SLC5A10: variants seen among roughly 807,000 people sequenced by gnomAD.
SLC5A10 encodes the protein sodium/mannose cotransporter SLC5A10.
Under a neutral mutation model 68.9 loss-of-function variants are expected in SLC5A10, and 55 were observed. That is an observed-to-expected ratio of 0.80 (90% confidence interval 0.64 to 1.00). The LOEUF is 1.00. SLC5A10 is among the 50% of genes least tolerant of loss of function. The probability of loss-of-function intolerance (pLI) is 0.00; values close to 1 mark genes in which losing one functional copy is unlikely to be tolerated. For synonymous variants in SLC5A10, 344 were observed against 344.8 expected, an observed-to-expected ratio of 1.00 and a Z score of 0.02; for missense variants, 732 against 819.3, an observed-to-expected ratio of 0.89 and a Z score of 1.30.
chr17:18,967,824 T>A (rs192955916), intron 5 of SLC5A10, among the ~76,000 whole-genome samples: 39 of 152,196 alleles, frequency 2.6e-4, no homozygotes, highest in Admixed American at 2.5e-3. Flanking sequence ...CCTGCTCTGA[T>A]ATTCAGCACC....
chr17:19,021,762 C>T lies in SLC5A10; in HGVS notation c.*1331C>T. The T allele has an allele frequency of 2.2e-6, 1 of 453,156 alleles. No homozygotes were observed. The highest frequency in any genetic ancestry group is 3.7e-6 in the Non-Finnish European group (1 of 271,206). 28.1% of individuals were successfully genotyped at this position (453,156 alleles called of 1,614,324 possible). ...CCAGCCAGGAAGCCCCGGAGCTACC[C>T]TTGCTGGGTACCCTTGCTGGGGGAC... On this transcript the variant is annotated 3_prime_UTR_variant, in exon 15 of 15. Coordinates refer to ENST00000395645, the MANE Select transcript of SLC5A10 (RefSeq NM_001042450.4). This position sits in a 1 kb window ranked among gnomAD's most constrained non-coding sequence, Gnocchi z 4.1.
At position 18,952,298 on chromosome 17, in the gene SLC5A10, T is replaced by C. The variant is rs2076562; in HGVS notation, c.93T>C (p.Asn31=). The C allele has an allele frequency of 0.57, 925,518 of 1,612,038 alleles. 275,820 individuals carry two copies. Among genetic ancestry groups the C allele is most frequent in the Non-Finnish European group, 0.62 (732,588 of 1,178,994 alleles). ...TCATCACTGTGTATTTTGCTCTGAA[T>C]GTGGCCGTGGGCATATGGGTAAGGG... is the stretch of plus-strand genomic sequence containing the variant. ...IIVITVYFAL[N]VAVGIWSSCR... is the part of the protein sequence containing the mutation. Residue 31 remains asparagine (N), a synonymous_variant, in exon 1 of 15, where the codon AAT becomes AAC. Coordinates refer to ENST00000395645, the MANE Select transcript of SLC5A10 (RefSeq NM_001042450.4).
intron 5 of SLC5A10, among the ~76,000 whole-genome samples, chr17:18,967,543 G>A (rs966161688): frequency 6.6e-6 from 1 of 152,238 alleles, no homozygotes; most frequent in Non-Finnish European, 1.5e-5. Flanking sequence ...TGTGTCTGGC[G>A]TGGCCAGAGC....
At chr17:18,974,212 A>C (rs1355073759) in intron 8 of SLC5A10, among the ~76,000 whole-genome samples, 1 of 150,138 alleles carries the variant, frequency 6.7e-6, no homozygotes, top group Non-Finnish European at 1.5e-5. Flanking sequence ...TTTTAGTAGA[A>C]ATGGGGTTTC....
Position 19,022,004 on chromosome 17 carries a change from G to A in SLC5A10, c.*1573G>A, listed in dbSNP as rs1246670455. On this transcript the variant is annotated 3_prime_UTR_variant, in exon 15 of 15. Transcript: ENST00000395645. ...CGTAACTCCGTGGGAAGAAGCCAAC[G>A]CGCCCGCAGGACCGGCCCCGCCACC... The A allele has an allele frequency of 3.1e-6, 5 of 1,593,132 alleles. No individual in the cohort carries two copies. The highest frequency in any genetic ancestry group is 2.7e-5 in the African/African-American group (2 of 73,846).
At chr17:19,008,522 C>T (rs1409280974) in intron 9 of SLC5A10, among the ~76,000 whole-genome samples, 20 of 144,672 alleles carry the variant, frequency 1.4e-4, no homozygotes, top group Non-Finnish European at 2.7e-4. Context: ...TTTTTTGATA[C>T]GGGGTCTTGC....
rs761920566 is a variant in SLC5A10 at position 18,958,669 on chromosome 17, T to C, written c.112-13T>C. 1.2e-6 allele frequency: 2 copies of C among 1,613,890 alleles called. No individual in the cohort carries two copies. The highest frequency in any genetic ancestry group is 2.7e-5 in the African/African-American group (2 of 74,906). ...GCGGGCTTCCAACTCCTGTCCCTTT[T>C]CTCCTCTTGCAGTCCTCTTGTCGGG... On this transcript the variant is annotated splice_polypyrimidine_tract_variant and intron_variant, in intron 1 of 14. Transcript: ENST00000395645.
At chr17:18,976,633 G>A in intron 8 of SLC5A10, 1 of 574,840 alleles carries the variant, frequency 1.7e-6, no homozygotes, top group South Asian at 2.3e-5. Context: ...GAGTCCCTGG[G>A]AATGAGTGTA....
chr17:18,971,879 T>C lies in SLC5A10; in HGVS notation c.846+661T>C. The C allele has an allele frequency of 1.0e-6, 1 of 957,390 alleles. No individual in the cohort carries two copies. Among genetic ancestry groups the C allele is most frequent in the Non-Finnish European group, 1.5e-6 (1 of 659,324 alleles). 59.3% of individuals were successfully genotyped at this position (957,390 alleles called of 1,614,324 possible). On this transcript the variant is annotated intron_variant, in intron 8 of 14. Coordinates refer to ENST00000395645, the MANE Select transcript of SLC5A10 (RefSeq NM_001042450.4). This position sits in a 1 kb window ranked among gnomAD's most constrained non-coding sequence, Gnocchi z 5.5. Reference sequence around the variant, plus strand: ...CCTGGCTCTGCCATTCACCAGGGAGTGGGCCTAGACCAGTTGGTTTAGTCA... The same window carrying C: ...CCTGGCTCTGCCATTCACCAGGGAGCGGGCCTAGACCAGTTGGTTTAGTCA...
At chr17:18,977,810 T>C in intron 9 of SLC5A10, 1 of 1,606,240 alleles carries the variant, frequency 6.2e-7, no homozygotes, top group African/African-American at 1.3e-5. Flanking sequence ...CACCTCGAAG[T>C]ACTCCTCTGA....
chr17:19,014,994 T>C, intron 10 of SLC5A10, 55 bp from the exon 11 acceptor site: 1 of 1,569,972 alleles, frequency 6.4e-7, no homozygotes, highest in Non-Finnish European at 8.7e-7. Context: ...GCGGGAGGGG[T>C]TCCCGGGGCT....
chr17:18,952,460 G>C, intron 1 of SLC5A10, 144 bp downstream of exon 1: 6 of 1,001,698 alleles, frequency 6.0e-6, no homozygotes, highest in Non-Finnish European at 7.2e-6. Flanking sequence ...CTCCCAGCCT[G>C]GGGTAGACTT....
chr17:18,972,863 C>G (rs1254459231), intron 8 of SLC5A10, among the ~76,000 whole-genome samples: 1 of 115,540 alleles, frequency 8.7e-6, no homozygotes, highest in Non-Finnish European at 2.0e-5. Flanking sequence ...AGCGAGACTC[C>G]GTCTAAAAAA....
At position 19,013,526 on chromosome 17, in the gene SLC5A10, G is replaced by C; in HGVS notation, c.1090+9G>C. On this transcript the variant is annotated intron_variant, in intron 10 of 14. Transcript: ENST00000395645. Reference sequence around the variant, plus strand: ...GGAACTGATGCCCATCGGTGAGGCTGTGTGGGTGGGGGTCTGGGTGGAGGG... The same window carrying C: ...GGAACTGATGCCCATCGGTGAGGCTCTGTGGGTGGGGGTCTGGGTGGAGGG... 1 of 1,462,814 alleles carries C rather than the reference G, an allele frequency of 6.8e-7. No individual in the cohort carries two copies. Among genetic ancestry groups the C allele is most frequent in the Non-Finnish European group, 9.0e-7 (1 of 1,105,830 alleles). The allele number at this position is 1,462,814 out of a possible 1,614,324, so 90.6% of individuals were successfully genotyped here. A position where few individuals can be genotyped will look rare whatever the true frequency, so the allele number is the denominator to read the frequency against.
rs191799455 is a variant in SLC5A10 at position 18,958,621 on chromosome 17, A to G, written c.112-61A>G. On this transcript the variant is annotated intron_variant, in intron 1 of 14. Transcript: ENST00000395645. Reference sequence around the variant, plus strand: ...TTGAGGAGCTGCCAAGCCGTTTCCCATTCGACTTCCCAGCAGCAGTGTGCG... The same window carrying G: ...TTGAGGAGCTGCCAAGCCGTTTCCCGTTCGACTTCCCAGCAGCAGTGTGCG... 6.0e-5 allele frequency: 91 copies of G among 1,525,486 alleles called. No individual in the cohort carries two copies. The African/African-American group carries it at 1.2e-3, about 19-fold the overall frequency. 94.5% of individuals were successfully genotyped at this position (1,525,486 alleles called of 1,614,324 possible).
At chr17:18,972,340 T>C (rs1367466652) in intron 8 of SLC5A10, among the ~76,000 whole-genome samples, 1 of 152,204 alleles carries the variant, frequency 6.6e-6, no homozygotes, top group Non-Finnish European at 1.5e-5. Flanking sequence ...AGCCAGCCTC[T>C]GTGGAATGAA....
chr17:18,977,890 G>A, intron 9 of SLC5A10: 1 of 1,610,876 alleles, frequency 6.2e-7, no homozygotes, highest in Non-Finnish European at 8.5e-7. Flanking sequence ...GGCTGTCCTG[G>A]TCACTGAGGG....
chr17:18,976,785 A>C lies in SLC5A10; in HGVS notation c.847-69A>C, dbSNP rs2042990355. 4 of 1,584,572 alleles carry C rather than the reference A, an allele frequency of 2.5e-6. No individual in the cohort carries two copies. In the East Asian group the frequency reaches 9.0e-5, roughly 36 times the overall value. ...GCCTCATGCCCATTCCCTGAGGCCCACCAAGGACCAATCCTGACACAAGTG... is the reference window on the plus strand; with the variant it reads ...GCCTCATGCCCATTCCCTGAGGCCCCCCAAGGACCAATCCTGACACAAGTG... On this transcript the variant is annotated intron_variant, in intron 8 of 14. Transcript: ENST00000395645.
At chr17:18,995,764 A>T (rs923570952) in intron 9 of SLC5A10, among the ~76,000 whole-genome samples, 1 of 152,048 alleles carries the variant, frequency 6.6e-6, no homozygotes. Flanking sequence ...AAAAATTAGC[A>T]GGGCATAGTG....
Sources: gnomAD v4.1 joint callset for allele counts (sites outside exome capture counted in the v4.1 genomes callset) on GRCh38, gnomAD v4.1.1 for gene constraint, Gnocchi (gnomAD v3.1) non-coding constraint, MANE v1.5 for transcripts, NCBI Gene and HGNC (gene_info 2026-07-23, HGNC 2026-07-21) for gene names.